Variants in MCF2 observed in about 807,000 individuals in gnomAD.
MCF2 encodes the protein proto-oncogene DBL.
Under a neutral mutation model 82.5 loss-of-function variants are expected in MCF2, and 44 were observed. That is an observed-to-expected ratio of 0.53 (90% CI 0.42 to 0.69). MCF2 has a LOEUF of 0.69. Ranked by LOEUF, MCF2 falls within the 30% of genes least tolerant of loss-of-function variation. The probability of loss-of-function intolerance (pLI) is 0.00; values close to 1 mark genes in which losing one functional copy is unlikely to be tolerated. For missense variants in MCF2, 623 were observed against 663.1 expected (o/e 0.94, Z 0.66); for synonymous variants, 217 against 224.9 (o/e 0.96, Z 0.32).
At chrX:139,582,676 AAGAG>A (rs752420338) in intron 24 of MCF2, among the ~76,000 whole-genome samples, 173 bp from the exon 29 acceptor site, 5 of 112,017 alleles carry the variant, frequency 4.5e-5, no homozygotes, top group Admixed American at 9.5e-5. Flanking sequence ...TTATTGGACA[AAGAG>A]AGAGAAACTA....
intron 8 of MCF2, among the ~76,000 whole-genome samples, chrX:139,616,972 C>T (rs912943476): frequency 9.0e-6 from 1 of 111,075 alleles, no homozygotes; most frequent in Admixed American, 9.6e-5. Context: ...TAAGTGATAC[C>T]CCTATTTTAT....
chrX:139,605,304 A>G (rs1930901664), intron 13 of MCF2, among the ~76,000 whole-genome samples: 1 of 110,914 alleles, frequency 9.0e-6, no homozygotes, highest in Non-Finnish European at 1.9e-5. Context: ...AACATAGACT[A>G]CAGGTCATCA....
At chrX:139,604,637 T>A in intron 15 of MCF2, 44 bp downstream of exon 19, 1 of 838,170 alleles carries the variant, frequency 1.2e-6, no homozygotes, top group Non-Finnish European at 1.7e-6. Context: ...GTTGCTATTT[T>A]GGTGGTGCAT....
chrX:139,639,462 A>G (rs751604923), intron 1 of MCF2, among the ~76,000 whole-genome samples: 2 of 111,144 alleles, frequency 1.8e-5, no homozygotes, highest in African/African-American at 3.3e-5. Flanking sequence ...CAATCACTGT[A>G]CGTGGTCCCA....
exon 10 of MCF2, chrX:139,614,960 A>C: frequency 3.3e-6 from 4 of 1,209,932 alleles, no homozygotes; most frequent in Non-Finnish European, 4.5e-6. Flanking sequence ...TTGGCCTCAC[A>C]TGCTTATCTG....
At chrX:139,638,954 C>A (rs1933398710) in intron 1 of MCF2, among the ~76,000 whole-genome samples, 1 of 110,593 alleles carries the variant, frequency 9.0e-6, no homozygotes, top group African/African-American at 3.3e-5. Flanking sequence ...CTCTATATAC[C>A]AATATTTGTA....
chrX:139,666,980 G>A (rs1376749942), intron 1 of MCF2, among the ~76,000 whole-genome samples: 1 of 110,518 alleles, frequency 9.0e-6, no homozygotes, highest in African/African-American at 3.3e-5. Flanking sequence ...TCTTTCTTCT[G>A]CCTGATCTAG....
rs200682442 is a variant in MCF2, at chrX:139,665,990, TAC to T, written c.-44-14204_-44-14203del. ...ATATACATATATATACACACACACA[TAC>T]ACACACACACAAGGCACATGAGATA... On this transcript the variant is annotated intron_variant, in intron 1 of 27. Coordinates refer to the MCF2 transcript ENST00000414978. Among the ~76,000 whole-genome samples, 5 of 94,627 alleles carry T rather than the reference TAC, an allele frequency of 5.3e-5. No individual in the cohort carries two copies. In the East Asian group the frequency reaches 1.4e-3, roughly 27 times the overall value. The allele number at this position is 94,627 out of a possible 115,157, so 82.2% of individuals were successfully genotyped here. A position where few individuals can be genotyped will look rare whatever the true frequency, so the allele number is the denominator to read the frequency against.
At chrX:139,618,363 G>T (rs1428535244) in intron 7 of MCF2, among the ~76,000 whole-genome samples, 1 of 111,156 alleles carries the variant, frequency 9.0e-6, no homozygotes, top group Non-Finnish European at 1.9e-5. Context: ...TGTCTAATGG[G>T]TATACAGTTT....
intron 16 of MCF2, among the ~76,000 whole-genome samples, chrX:139,599,869 C>T (rs1930406858): frequency 8.9e-6 from 1 of 111,822 alleles, no homozygotes; most frequent in African/African-American, 3.2e-5. Context: ...AAAGCATTCT[C>T]AGCAGCATTG....
intron 24 of MCF2, 83 bp downstream of exon 28, chrX:139,584,983 C>A: frequency 1.7e-6 from 1 of 600,669 alleles, no homozygotes; most frequent in Non-Finnish European, 2.6e-6. Flanking sequence ...AGGATGCTGA[C>A]AAAAGATTGC....
chrX:139,650,868 G>GACACATGCT (rs1343290140), intron 2 of MCF2, among the ~76,000 whole-genome samples: 1 of 111,959 alleles, frequency 8.9e-6, no homozygotes, highest in Admixed American at 9.5e-5. Context: ...AGGAAGTTCT[G>GACACATGCT]ACACATGCTA....
At chrX:139,703,787 T>C (rs935773471) in intron 1 of MCF2, among the ~76,000 whole-genome samples, 26 of 107,869 alleles carry the variant, frequency 2.4e-4, no homozygotes, top group African/African-American at 7.1e-4. Context: ...CAAGGGAAAA[T>C]GGGGAAGGAT....
intron 1 of MCF2, among the ~76,000 whole-genome samples, chrX:139,665,554 G>C (rs1462480818): frequency 9.0e-6 from 1 of 111,091 alleles, no homozygotes; most frequent in Non-Finnish European, 1.9e-5. Flanking sequence ...AGGGTAGTGG[G>C]GGAGGGATGG....
chrX:139,659,477 A>T (rs952775326), intron 1 of MCF2, among the ~76,000 whole-genome samples: 10 of 111,257 alleles, frequency 9.0e-5, no homozygotes, highest in Non-Finnish European at 1.5e-4. Flanking sequence ...TTTATAGAAA[A>T]CATTTTTTTA....
At chrX:139,593,661 A>T (rs1478663950) in intron 19 of MCF2, among the ~76,000 whole-genome samples, 1 of 111,630 alleles carries the variant, frequency 9.0e-6, no homozygotes, top group Non-Finnish European at 1.9e-5. Context: ...AACCGAATCC[A>T]GCAGCACATC....
intron 12 of MCF2, among the ~76,000 whole-genome samples, chrX:139,606,076 G>C (rs962392178): frequency 9.6e-6 from 1 of 104,238 alleles, no homozygotes; most frequent in African/African-American, 3.5e-5. Flanking sequence ...ATGCTCAAGG[G>C]TTACTATTAG....
At chrX:139,610,250 C>T (rs374107759) in intron 11 of MCF2, 51 bp downstream of exon 15, 1 of 828,143 alleles carries the variant, frequency 1.2e-6, no homozygotes, top group Non-Finnish European at 1.8e-6. Flanking sequence ...CTCATACCAA[C>T]TCTGCAACTA....
chrX:139,685,522 G>A lies in MCF2; in HGVS notation c.-45+22584C>T, dbSNP rs779661258. Among the ~76,000 whole-genome samples, 211 of 110,750 alleles carry A rather than the reference G, an allele frequency of 1.9e-3. 2 individuals carry two copies. The highest frequency in any genetic ancestry group is 6.7e-3 in the African/African-American group (204 of 30,453). On this transcript the variant is annotated intron_variant, in intron 1 of 27. Coordinates refer to the MCF2 transcript ENST00000414978. ...TCATGTACCCCCTGCTTGCTCAATC[G>A]ATCACGACCCTCTCAAGTGGACCCC...
Sources: allele counts gnomAD v4.1 joint callset (sites outside exome capture counted in the v4.1 genomes callset), GRCh38; gene constraint gnomAD v4.1.1; transcripts MANE v1.5; gene names NCBI Gene and HGNC (gene_info 2026-07-23, HGNC 2026-07-21).